The following XKR9 variants were observed in gnomAD, a reference collection of about 807,000 sequenced individuals.
XKR9 encodes the protein XK related 9.
In XKR9, 32 loss-of-function variants were observed where a neutral mutation model predicts 32.0. The ratio of observed to expected loss-of-function variants is 1.00; its 90% CI spans 0.76 to 1.34. The LOEUF is 1.34. XKR9 is among the 40% of genes most tolerant of loss of function. The pLI is 0.00. For synonymous variants in XKR9, 168 were observed against 143.4 expected, an observed-to-expected ratio of 1.17 and a Z score of -1.22; for missense variants, 546 against 429.7, an observed-to-expected ratio of 1.27 and a Z score of -2.39.
the XKR9 span, among the ~76,000 whole-genome samples, chr8:70,956,946 T>C: frequency 6.6e-6 from 1 of 151,762 alleles, no homozygotes; most frequent in South Asian, 2.1e-4. Flanking sequence ...GTATGAGGAG[T>C]GTGAGGCTCC....
At chr8:70,716,879 AG>A (rs1371058202) in intron 4 of XKR9, among the ~76,000 whole-genome samples, 2 of 152,240 alleles carry the variant, frequency 1.3e-5, no homozygotes, top group Non-Finnish European at 2.9e-5. Context: ...TAAAATCAAC[AG>A]CAAGTTAGTT....
the XKR9 span, among the ~76,000 whole-genome samples, chr8:71,020,466 C>G: frequency 6.6e-6 from 1 of 152,174 alleles, no homozygotes; most frequent in African/African-American, 2.4e-5. Context: ...AGTTCATGTA[C>G]TGTGATGACA....
At chr8:71,057,151 G>T in the XKR9 span, among the ~76,000 whole-genome samples, 2 of 152,118 alleles carry the variant, frequency 1.3e-5, no homozygotes, top group African/African-American at 4.8e-5. Context: ...CTGTACTCTT[G>T]GCTGGTATTG....
At chr8:71,031,855 T>G in the XKR9 span, among the ~76,000 whole-genome samples, 1 of 152,348 alleles carries the variant, frequency 6.6e-6, no homozygotes, top group Admixed American at 6.5e-5. Context: ...TGTTTAAAGT[T>G]AGTTTTTAAG....
At chr8:70,707,645 A>G (rs980052700) in intron 4 of XKR9, among the ~76,000 whole-genome samples, 1 of 152,024 alleles carries the variant, frequency 6.6e-6, no homozygotes, top group Non-Finnish European at 1.5e-5. Flanking sequence ...AAATGCTGCA[A>G]CGAGTAATCT....
chr8:70,991,011 A>AGG, the XKR9 span, among the ~76,000 whole-genome samples: 1 of 152,160 alleles, frequency 6.6e-6, no homozygotes, highest in Non-Finnish European at 1.5e-5. Context: ...ATTTTAGCTA[A>AGG]ATTATATTTA....
chr8:70,782,802 C>T lies in XKR9; in HGVS notation n.353-6537C>T, dbSNP rs1188156344. ...AGTATCCTACTGCGTATGTAGACCACATTTTATTTATTTGTTCATCTGTTG... is the reference window on the plus strand; with the variant it reads ...AGTATCCTACTGCGTATGTAGACCATATTTTATTTATTTGTTCATCTGTTG... On this transcript the variant is annotated intron_variant and non_coding_transcript_variant, in intron 2 of 3. Transcript: ENST00000520273. Among the ~76,000 whole-genome samples the T allele has an allele frequency of 2.6e-5, 4 of 152,050 alleles. No homozygotes were observed. The East Asian group carries it at 7.7e-4, about 29-fold the overall frequency.
chr8:70,778,100 G>C (rs1478634739), intron 2 of XKR9, among the ~76,000 whole-genome samples: 1 of 152,166 alleles, frequency 6.6e-6, no homozygotes, highest in Non-Finnish European at 1.5e-5. Context: ...TTACATTTAA[G>C]TCTTTTATCT....
the XKR9 span, among the ~76,000 whole-genome samples, chr8:70,818,580 T>C: frequency 1.4e-3 from 217 of 152,310 alleles, no homozygotes; most frequent in African/African-American, 5.1e-3. Context: ...TGAGTGTCCT[T>C]AGGGATTCTT....
the XKR9 span, among the ~76,000 whole-genome samples, chr8:71,028,962 G>C: frequency 1.3e-5 from 2 of 152,116 alleles, no homozygotes; most frequent in East Asian, 3.9e-4. Context: ...GTATTAAAGA[G>C]TCAAACTTAT....
the XKR9 span, among the ~76,000 whole-genome samples, chr8:70,827,087 T>C: frequency 6.6e-6 from 1 of 152,164 alleles, no homozygotes; most frequent in Non-Finnish European, 1.5e-5. Flanking sequence ...TTCTGGTTTT[T>C]AACATGATAC....
At chr8:70,941,597 G>C in the XKR9 span, among the ~76,000 whole-genome samples, 2 of 152,062 alleles carry the variant, frequency 1.3e-5, no homozygotes, top group Non-Finnish European at 2.9e-5. Context: ...ATTTTATAAT[G>C]GTGATATACT....
chr8:71,042,905 T>A, the XKR9 span, among the ~76,000 whole-genome samples: 4 of 152,176 alleles, frequency 2.6e-5, no homozygotes, highest in East Asian at 7.7e-4. Context: ...ATTAAATAGA[T>A]GTTTTTCCTT....
At chr8:71,036,269 T>C in the XKR9 span, among the ~76,000 whole-genome samples, 1 of 152,218 alleles carries the variant, frequency 6.6e-6, no homozygotes, top group Non-Finnish European at 1.5e-5. Context: ...TGTGTTATTT[T>C]ACAGTATTAT....
the XKR9 span, among the ~76,000 whole-genome samples, chr8:71,045,556 C>T: frequency 6.6e-6 from 1 of 152,184 alleles, no homozygotes; most frequent in East Asian, 1.9e-4. Context: ...GGGAACAGAA[C>T]GAGGTAGCAC....
At chr8:70,966,407 C>G in the XKR9 span, among the ~76,000 whole-genome samples, 1,464 of 152,104 alleles carry the variant, frequency 9.6e-3, 23 homozygotes, top group African/African-American at 0.034. Context: ...ACCACCATGC[C>G]CAGCTAATTT....
intron 3 of XKR9, among the ~76,000 whole-genome samples, chr8:70,683,270 A>T (rs1819146390): frequency 6.6e-6 from 1 of 152,204 alleles, no homozygotes; most frequent in African/African-American, 2.4e-5. Flanking sequence ...GATAATTTAA[A>T]GACCTCAAAA....
chr8:70,921,981 T>A, the XKR9 span, among the ~76,000 whole-genome samples: 75 of 152,276 alleles, frequency 4.9e-4, no homozygotes, highest in Admixed American at 1.0e-3. Context: ...GAAGTGACTT[T>A]GTAATGACTG....
the XKR9 span, among the ~76,000 whole-genome samples, chr8:70,850,911 T>G: frequency 1.3e-5 from 2 of 152,226 alleles, no homozygotes; most frequent in Non-Finnish European, 2.9e-5. Flanking sequence ...TTATTCAACA[T>G]AGTATTGGAA....
Sources: gnomAD v4.1 joint callset for allele counts (sites outside exome capture counted in the v4.1 genomes callset) on GRCh38, gnomAD v4.1.1 for gene constraint, MANE v1.5 for transcripts, NCBI Gene and HGNC (gene_info 2026-07-23, HGNC 2026-07-21) for gene names.